SLC25A21: variants seen among roughly 807,000 people sequenced by gnomAD.
SLC25A21 encodes the protein mitochondrial 2-oxodicarboxylate carrier.
SLC25A21 carries 47 observed loss-of-function variants against 43.8 expected under a neutral mutation model. The observed-to-expected ratio is 1.07, with a 90% CI of 0.85 to 1.37. SLC25A21 has a LOEUF of 1.37. Ranked by LOEUF, SLC25A21 falls within the 40% of genes most tolerant of loss-of-function variation. SLC25A21 has a pLI of 0.00. For synonymous variants in SLC25A21, 131 were observed against 121.3 expected, an observed-to-expected ratio of 1.08 and a Z score of -0.52; for missense variants, 352 against 350.2, an observed-to-expected ratio of 1.00 and a Z score of -0.04.
At chr14:36,992,874 T>C (rs1212460759) in intron 1 of SLC25A21, among the ~76,000 whole-genome samples, 1 of 152,198 alleles carries the variant, frequency 6.6e-6, no homozygotes, top group East Asian at 1.9e-4. Context: ...ATCCCATCTC[T>C]TAGTGTGGGC....
At chr14:37,168,076 C>A (rs191428932) in intron 1 of SLC25A21, among the ~76,000 whole-genome samples, 1 of 152,056 alleles carries the variant, frequency 6.6e-6, no homozygotes, top group Non-Finnish European at 1.5e-5. Context: ...GTAGGTGAGG[C>A]CTGGGATCCC....
intron 1 of SLC25A21, among the ~76,000 whole-genome samples, chr14:37,069,067 C>G (rs993302074): frequency 6.6e-6 from 1 of 152,026 alleles, no homozygotes; most frequent in Non-Finnish European, 1.5e-5. Flanking sequence ...GTTCCAGCTA[C>G]TCTGGAGGCT....
At chr14:36,966,492 C>G (rs1053481683) in intron 1 of SLC25A21, among the ~76,000 whole-genome samples, 27 of 152,160 alleles carry the variant, frequency 1.8e-4, no homozygotes, top group African/African-American at 6.5e-4. Context: ...ACATCCTGAT[C>G]TAAAGTCCCA....
At position 36,861,990 on chromosome 14, in the gene SLC25A21, C is replaced by T. The variant is rs148480086; in HGVS notation, c.119+12966G>A. Among the ~76,000 whole-genome samples, 228 of 152,234 alleles carry T rather than the reference C, an allele frequency of 1.5e-3. 3 individuals carry two copies. Among genetic ancestry groups the T allele is most frequent in the African/African-American group, 5.2e-3 (218 of 41,562 alleles). The stretch of plus-strand genomic sequence containing the variant: ...TTCTCAAAAGAAGACATTTATGTGG[C>T]CAACAAACATATGAAAAAAAGCTCA... On this transcript the variant is annotated intron_variant, in intron 2 of 9. Transcript: ENST00000331299.
At chr14:36,808,866 T>A (rs1888134434) in intron 3 of SLC25A21, 1 of 152,196 alleles carries the variant, frequency 6.6e-6, no homozygotes, top group Admixed American at 6.6e-5. Context: ...TTTTGCCTTA[T>A]TTCAGGAAGA....
chr14:36,777,347 C>T (rs1215236400), intron 3 of SLC25A21, among the ~76,000 whole-genome samples: 1 of 152,120 alleles, frequency 6.6e-6, no homozygotes, highest in Non-Finnish European at 1.5e-5. Flanking sequence ...AAAACAACAA[C>T]AACAAAATGA....
intron 1 of SLC25A21, among the ~76,000 whole-genome samples, chr14:37,047,300 C>G (rs1175521306): frequency 2.0e-5 from 3 of 152,196 alleles, no homozygotes; most frequent in Non-Finnish European, 1.5e-5. Flanking sequence ...GCAAATAAAA[C>G]ACTGCCCAGC....
At chr14:36,982,119 T>C (rs1156355433) in intron 1 of SLC25A21, among the ~76,000 whole-genome samples, 1 of 142,996 alleles carries the variant, frequency 7.0e-6, no homozygotes, top group Non-Finnish European at 1.5e-5. Context: ...GTCAACATGA[T>C]GTGATCTCAT....
chr14:37,103,750 C>T (rs1398983543), intron 1 of SLC25A21, among the ~76,000 whole-genome samples: 1 of 152,198 alleles, frequency 6.6e-6, no homozygotes, highest in Non-Finnish European at 1.5e-5. Flanking sequence ...CAAGCCTCAA[C>T]TGTGCTTCAA....
chr14:36,869,727 G>A (rs1890316050), intron 2 of SLC25A21, among the ~76,000 whole-genome samples: 1 of 152,256 alleles, frequency 6.6e-6, no homozygotes. Context: ...GAAACAAGAG[G>A]ATGACGATAA....
rs961953393 is a variant in SLC25A21, at chr14:36,875,005, C to G, written c.71-1G>C. 1 of 1,552,342 alleles carries G rather than the reference C, an allele frequency of 6.4e-7. No homozygotes were observed. The highest frequency in any genetic ancestry group is 8.7e-7 in the Non-Finnish European group (1 of 1,152,680). Reference sequence around the variant, plus strand: ...TGCATCAGGCAAATTTCTACAAGACCTGAAAGATGATAAAGAAAATCCAAT... The same window carrying G: ...TGCATCAGGCAAATTTCTACAAGACGTGAAAGATGATAAAGAAAATCCAAT... On this transcript the variant is annotated splice_acceptor_variant, in intron 1 of 9. Transcript: ENST00000331299. LOFTEE classifies it high-confidence loss of function.
At chr14:36,751,698 G>A (rs1325510026) in intron 3 of SLC25A21, among the ~76,000 whole-genome samples, 2 of 151,994 alleles carry the variant, frequency 1.3e-5, no homozygotes, top group East Asian at 1.9e-4. Context: ...GTTATCAATC[G>A]TACTTCTAAT....
chr14:37,152,754 A>G (rs1174494020), intron 1 of SLC25A21, among the ~76,000 whole-genome samples: 1 of 152,218 alleles, frequency 6.6e-6, no homozygotes, highest in Non-Finnish European at 1.5e-5. Context: ...AGACTGTGTA[A>G]AGCAAAAAAC....
At position 37,113,816 on chromosome 14, in the gene SLC25A21, T is replaced by C. The variant is rs367766338; in HGVS notation, c.70+58465A>G. On this transcript the variant is annotated intron_variant, in intron 1 of 9. Transcript: ENST00000331299. The stretch of plus-strand genomic sequence containing the variant: ...ATGCAGTGAGCCAAGATCGCAACAC[T>C]GTACTCCAGTCTGGGCAACAGAGCG... 1.9e-3 allele frequency among the ~76,000 whole-genome samples: 270 copies of C among 143,264 alleles called. 1 individual carries two copies. The highest frequency in any genetic ancestry group is 6.5e-3 in the African/African-American group (247 of 38,182). 94.0% of individuals were successfully genotyped at this position (143,264 alleles called of 152,430 possible).
chr14:36,965,343 G>A (rs533079887), intron 1 of SLC25A21, among the ~76,000 whole-genome samples: 1 of 152,098 alleles, frequency 6.6e-6, no homozygotes, highest in African/African-American at 2.4e-5. Context: ...CTTGGTTTAT[G>A]TTTTTTAATA....
chr14:36,678,549 T>G lies in SLC25A21; in HGVS notation c.*2109A>C, dbSNP rs918687817. 4 of 1,536,486 alleles carry G rather than the reference T, an allele frequency of 2.6e-6. No homozygotes were observed. Among genetic ancestry groups the G allele is most frequent in the African/African-American group, 2.7e-5 (2 of 73,008 alleles). On this transcript the variant is annotated 3_prime_UTR_variant, in exon 10 of 10. Transcript: ENST00000331299. ...TCCAATCCAATATTTTGGTGGAGAC[T>G]TCTTTAAAACCATACCATACAGGGA...
chr14:36,914,101 A>T (rs375728532), intron 1 of SLC25A21, among the ~76,000 whole-genome samples: 4 of 152,242 alleles, frequency 2.6e-5, no homozygotes, highest in African/African-American at 9.6e-5. Context: ...GCAGAGGTTG[A>T]ACAAGAACAA....
intron 1 of SLC25A21, among the ~76,000 whole-genome samples, chr14:37,005,859 G>A (rs927622147): frequency 9.9e-5 from 15 of 152,128 alleles, no homozygotes; most frequent in Admixed American, 6.6e-5. Context: ...TTGTATCTCT[G>A]GAACTTTTTC....
At chr14:36,888,622 G>A (rs1476093710) in intron 1 of SLC25A21, among the ~76,000 whole-genome samples, 1 of 152,020 alleles carries the variant, frequency 6.6e-6, no homozygotes, top group South Asian at 2.1e-4. Flanking sequence ...TCCTCCCTCT[G>A]TGCCCTTCCT....
Sources: gnomAD v4.1 joint callset for allele counts (sites outside exome capture counted in the v4.1 genomes callset) on GRCh38, gnomAD v4.1.1 for gene constraint, MANE v1.5 for transcripts, NCBI Gene and HGNC (gene_info 2026-07-23, HGNC 2026-07-21) for gene names.